ADAMTSL1: variants seen among roughly 807,000 people sequenced by gnomAD.
The protein encoded by ADAMTSL1 is ADAMTS like 1.
A neutral mutation model predicts 201.8 loss-of-function variants in ADAMTSL1; 126 were observed. That is an observed-to-expected ratio of 0.62 (90% CI 0.54 to 0.72). The LOEUF is 0.72. Ranked by LOEUF, ADAMTSL1 falls within the 30% of genes least tolerant of loss-of-function variation. ADAMTSL1 has a pLI of 0.00. For synonymous variants in ADAMTSL1, 1,121 were observed against 903.4 expected (o/e 1.24, Z -4.32); for missense variants, 2,679 against 2,277.8 (o/e 1.18, Z -3.59).
At chr9:18,521,476 T>C (rs988308304) in intron 2 of ADAMTSL1, among the ~76,000 whole-genome samples, 10 of 151,718 alleles carry the variant, frequency 6.6e-5, no homozygotes, top group African/African-American at 2.2e-4. Context: ...AAAAGCATTG[T>C]CCTGAATAAA....
At chr9:18,337,058 T>A (rs967285103) in intron 2 of ADAMTSL1, among the ~76,000 whole-genome samples, 7 of 152,142 alleles carry the variant, frequency 4.6e-5, no homozygotes, top group African/African-American at 1.7e-4. Context: ...TAGGTGTGTC[T>A]GTGAGGGTGT....
intron 1 of ADAMTSL1, among the ~76,000 whole-genome samples, chr9:18,000,131 G>T (rs528514639): frequency 2.0e-5 from 3 of 150,428 alleles, no homozygotes; most frequent in Non-Finnish European, 4.4e-5. Context: ...GTAATGGGAT[G>T]GCTGGGTCAA....
intron 3 of ADAMTSL1, among the ~76,000 whole-genome samples, chr9:18,562,005 C>T (rs576589247): frequency 6.6e-6 from 1 of 152,076 alleles, no homozygotes. Context: ...TTAATTGGGG[C>T]ATTTAGTCCA....
intron 2 of ADAMTSL1, among the ~76,000 whole-genome samples, chr9:18,206,200 C>T (rs750771062): frequency 4.0e-5 from 6 of 151,884 alleles, no homozygotes; most frequent in Admixed American, 2.0e-4. Context: ...GAACTTCCAG[C>T]GAGGAAGGTG....
At chr9:18,277,117 T>A (rs1368786992) in intron 2 of ADAMTSL1, among the ~76,000 whole-genome samples, 2 of 152,268 alleles carry the variant, frequency 1.3e-5, no homozygotes, top group Non-Finnish European at 2.9e-5. Context: ...ATACTTGATA[T>A]GATTTTCATC....
chr9:18,589,727 T>C (rs1823786394), intron 4 of ADAMTSL1, among the ~76,000 whole-genome samples: 1 of 152,232 alleles, frequency 6.6e-6, no homozygotes, highest in Admixed American at 6.5e-5. Context: ...ACCTTTGTCA[T>C]GTAGAGGTAA....
At chr9:18,744,818 T>C (rs1158887682) in intron 15 of ADAMTSL1, among the ~76,000 whole-genome samples, 2 of 152,238 alleles carry the variant, frequency 1.3e-5, no homozygotes, top group African/African-American at 2.4e-5. Context: ...TCTTCAGTCT[T>C]CTATCTTTCA....
At chr9:18,697,451 C>G (rs1831627187) in intron 13 of ADAMTSL1, among the ~76,000 whole-genome samples, 2 of 152,086 alleles carry the variant, frequency 1.3e-5, no homozygotes, top group Non-Finnish European at 1.5e-5. Context: ...CAAGACCACC[C>G]CTGGAAATTT....
intron 23 of ADAMTSL1, among the ~76,000 whole-genome samples, chr9:18,872,225 T>G (rs1827908531): frequency 6.6e-6 from 1 of 152,184 alleles, no homozygotes; most frequent in South Asian, 2.1e-4. Flanking sequence ...ACTGCAAAAG[T>G]TCTGTGATAC....
chr9:17,998,565 A>T (rs557164389), intron 1 of ADAMTSL1, among the ~76,000 whole-genome samples: 1 of 152,240 alleles, frequency 6.6e-6, no homozygotes, highest in South Asian at 2.1e-4. Flanking sequence ...GGAGTTCAGT[A>T]ATCACAGGGT....
intron 1 of ADAMTSL1, among the ~76,000 whole-genome samples, chr9:18,005,605 A>T (rs1282509504): frequency 6.6e-6 from 1 of 152,044 alleles, no homozygotes; most frequent in East Asian, 1.9e-4. Context: ...TATGACTATG[A>T]CTGTCTACAT....
At chr9:18,784,534 C>G (rs1821589532) in intron 19 of ADAMTSL1, among the ~76,000 whole-genome samples, 2 of 152,176 alleles carry the variant, frequency 1.3e-5, no homozygotes, top group Admixed American at 1.3e-4. Context: ...CTGTTCCTAA[C>G]CAAACATTTC....
At chr9:18,687,904 A>G (rs1830934024) in intron 13 of ADAMTSL1, among the ~76,000 whole-genome samples, 1 of 152,198 alleles carries the variant, frequency 6.6e-6, no homozygotes, top group South Asian at 2.1e-4. Flanking sequence ...AAATCCAGAT[A>G]TCAATTTCAT....
intron 19 of ADAMTSL1, among the ~76,000 whole-genome samples, chr9:18,794,634 T>TGTA (rs1822269657): frequency 7.2e-6 from 1 of 138,432 alleles, no homozygotes; most frequent in Admixed American, 7.6e-5. Context: ...TTGTTTTTTT[T>TGTA]TGTTGTTGTT....
chr9:18,675,739 T>A lies in ADAMTSL1; in HGVS notation c.1086-118T>A. On this transcript the variant is annotated intron_variant, in intron 9 of 28. Coordinates refer to ENST00000380548, the MANE Select transcript of ADAMTSL1 (RefSeq NM_001040272.6). ...AACTGTTTTAGTGTTGTTTTATAGA[T>A]ACAATTTATTAATGTTATTTTGCAT... The A allele has an allele frequency of 4.4e-6, 4 of 905,500 alleles. No homozygotes were observed. The South Asian group carries it at 6.3e-5, about 14-fold the overall frequency. The allele number at this position is 905,500 out of a possible 1,614,324, so 56.1% of individuals were successfully genotyped here.
intron 2 of ADAMTSL1, among the ~76,000 whole-genome samples, chr9:18,419,831 G>C (rs1275224153): frequency 6.7e-6 from 1 of 149,616 alleles, no homozygotes; most frequent in Non-Finnish European, 1.5e-5. Flanking sequence ...CCAGGTTCAA[G>C]CTATTCTCCT....
At chr9:18,725,064 G>A (rs546207937) in intron 15 of ADAMTSL1, among the ~76,000 whole-genome samples, 3 of 152,150 alleles carry the variant, frequency 2.0e-5, no homozygotes, top group Non-Finnish European at 2.9e-5. Flanking sequence ...CCACCACCAC[G>A]CCTGGCTAAT....
At chr9:18,503,980 A>ATGTGTGTG (rs57749719) in intron 1 of ADAMTSL1, among the ~76,000 whole-genome samples, 4,206 of 148,112 alleles carry the variant, frequency 0.028, 186 homozygotes, top group African/African-American at 0.098. Context: ...ATGTGCATGC[A>ATGTGTGTG]TGTGTGTGTG....
intron 1 of ADAMTSL1, among the ~76,000 whole-genome samples, chr9:17,962,475 C>G (rs542279912): frequency 1.3e-5 from 2 of 152,146 alleles, no homozygotes; most frequent in Admixed American, 1.3e-4. Context: ...TGTGCTTTAC[C>G]TTACACAACC....
Sources: allele counts gnomAD v4.1 joint callset (sites outside exome capture counted in the v4.1 genomes callset), GRCh38; gene constraint gnomAD v4.1.1; transcripts MANE v1.5; gene names NCBI Gene and HGNC (gene_info 2026-07-23, HGNC 2026-07-21).